Variants in PTPRN2 observed in about 807,000 individuals in gnomAD.
PTPRN2 encodes the protein receptor-type tyrosine-protein phosphatase N2.
A neutral mutation model predicts 118.8 loss-of-function variants in PTPRN2; 74 were observed. The ratio of observed to expected loss-of-function variants is 0.62; its 90% CI spans 0.52 to 0.76. PTPRN2 has a LOEUF of 0.76. PTPRN2 is among the 30% of genes least tolerant of loss of function. The pLI, the probability that PTPRN2 is intolerant of heterozygous loss-of-function variation, is 0.00. For missense variants in PTPRN2, 1,481 were observed against 1,394.4 expected, an observed-to-expected ratio of 1.06 and a Z score of -0.99; for synonymous variants, 641 against 608.0, an observed-to-expected ratio of 1.05 and a Z score of -0.80.
Position 158,133,726 on chromosome 7 carries a change from C to T in PTPRN2, c.1507G>A (p.Val503Ile). ...CGCGCCTCTTCCTCGGAAGGCTGGACCTCCAATTGCAGGCCGTCGCTGAGG... is the reference window on the plus strand; with the variant it reads ...CGCGCCTCTTCCTCGGAAGGCTGGATCTCCAATTGCAGGCCGTCGCTGAGG... Reference protein sequence around the residue: ...EALSDGLQLEVQPSEEEARGY... With the variant: ...EALSDGLQLEIQPSEEEARGY... Residue 503 changes from valine to isoleucine, a missense_variant, in exon 9 of 23, where the codon GTC (valine) becomes ATC (isoleucine). Val to Ile is a conservative substitution (Grantham distance 29). Around this residue, in one of 3 missense-constraint regions of PTPRN2, gnomAD observed 1,115 missense variants for 994.2 expected, o/e 1.12. Transcript: ENST00000389418. 6.2e-7 allele frequency: 1 copy of T among 1,610,946 alleles called. No homozygotes were observed. Among genetic ancestry groups the T allele is most frequent in the Non-Finnish European group, 8.5e-7 (1 of 1,178,100 alleles).
At position 157,549,001 on chromosome 7, in the gene PTPRN2, A is replaced by G; in HGVS notation, c.2921T>C (p.Ile974Thr). 6.2e-7 allele frequency: 1 copy of G among 1,614,212 alleles called. No individual in the cohort carries two copies. Among genetic ancestry groups the G allele is most frequent in the Non-Finnish European group, 8.5e-7 (1 of 1,180,038 alleles). Residue 974 changes from isoleucine to threonine, a missense_variant, in exon 22 of 23, where the codon ATC becomes ACC. This residue lies in a region of PTPRN2 where 362 missense variants were observed against 384.1 expected (regional missense o/e 0.94). Coordinates refer to ENST00000389418, the MANE Select transcript of PTPRN2 (RefSeq NM_002847.5). Reference sequence around the variant, plus strand: ...CCTCAAGTGCTCCAGGGTCGCTGCGATATCAATCTCTTTAGCACCTGCAAC... The same window carrying G: ...CCTCAAGTGCTCCAGGGTCGCTGCGGTATCAATCTCTTTAGCACCTGCAAC... The part of the protein sequence containing the change: ...KMAKGAKEID[I>T]AATLEHLRDQ...
Position 158,316,892 on chromosome 7 carries a change from G to A in PTPRN2, c.204C>T (p.Asp68=), listed in dbSNP as rs750256922. 6.2e-7 allele frequency: 1 copy of A among 1,612,862 alleles called. No individual in the cohort carries two copies. The highest frequency in any genetic ancestry group is 8.5e-7 in the Non-Finnish European group (1 of 1,179,984). The change falls in exon 3 of 23, where the codon GAC becomes GAT. Residue 68 remains aspartate, a synonymous_variant. Transcript: ENST00000389418. ...CGGGCGACACCTCGTAGCGGTAAAA[G>A]TCCATTGCCGGAACCTTCTGGCACC... ...FGRCQKVPAM[D]FYRYEVSPVA... is the part of the protein sequence containing the mutation.
At chr7:158,358,230 C>T (rs541649677) in intron 2 of PTPRN2, among the ~76,000 whole-genome samples, 17 of 152,182 alleles carry the variant, frequency 1.1e-4, no homozygotes, top group South Asian at 2.1e-4. Flanking sequence ...ACCTTTCTTC[C>T]GGCCTGGTCT....
chr7:157,593,646 A>G (rs904997599), intron 17 of PTPRN2, among the ~76,000 whole-genome samples: 1 of 152,134 alleles, frequency 6.6e-6, no homozygotes, highest in African/African-American at 2.4e-5. Context: ...CATCCCTGGA[A>G]GGGCCCTGGG....
chr7:157,555,543 C>T (rs553255050), intron 21 of PTPRN2, among the ~76,000 whole-genome samples: 79 of 152,304 alleles, frequency 5.2e-4, no homozygotes, highest in Non-Finnish European at 9.1e-4. Context: ...TGGGGTGTGC[C>T]GGGAGGGCCA....
intron 11 of PTPRN2, among the ~76,000 whole-genome samples, chr7:157,941,393 A>C: frequency 1.7e-5 from 1 of 58,172 alleles, no homozygotes; most frequent in Non-Finnish European, 2.7e-5. Context: ...CCTCTCAATC[A>C]TGACACTGCA....
chr7:158,414,884 A>G lies in PTPRN2; in HGVS notation c.163+74851T>C, dbSNP rs575809667. ...AACACTACCAGTCATCCACATGAGG[A>G]GGGGCGGGGGAAGGTACCTCTGCCT... On this transcript the variant is annotated intron_variant, in intron 2 of 22. Transcript: ENST00000389418. Among the ~76,000 whole-genome samples, 695 of 152,294 alleles carry G rather than the reference A, an allele frequency of 4.6e-3. 4 individuals are homozygous for G. Among genetic ancestry groups the G allele is most frequent in the African/African-American group, 0.016 (669 of 41,566 alleles).
chr7:158,204,209 G>C (rs1284414179), intron 4 of PTPRN2, among the ~76,000 whole-genome samples: 9 of 150,300 alleles, frequency 6.0e-5, no homozygotes, highest in Non-Finnish European at 1.3e-4. Context: ...GTGTGGTGAA[G>C]ACGAAGCCCC....
rs192704406 is a variant in PTPRN2, at chr7:158,566,669, C to T, written c.112+20889G>A. Among the ~76,000 whole-genome samples, 10 of 152,258 alleles carry T rather than the reference C, an allele frequency of 6.6e-5. No individual in the cohort carries two copies. In the East Asian group the frequency reaches 9.6e-4, roughly 15 times the overall value. ...TATTTTTGCTGTTGGCCACCCTTCG[C>T]GGGGTTTGGTAATAAAAGATTGTTA... On this transcript the variant is annotated intron_variant, in intron 1 of 22. Coordinates refer to ENST00000389418, the MANE Select transcript of PTPRN2 (RefSeq NM_002847.5).
At chr7:157,553,934 C>T (rs541847844) in intron 21 of PTPRN2, among the ~76,000 whole-genome samples, 40 of 151,974 alleles carry the variant, frequency 2.6e-4, no homozygotes, top group Non-Finnish European at 4.3e-4. Context: ...GTATCCTGCC[C>T]GCTCTGGTGC....
intron 11 of PTPRN2, among the ~76,000 whole-genome samples, chr7:158,041,222 A>G (rs1193361068): frequency 6.6e-6 from 1 of 152,240 alleles, no homozygotes. Flanking sequence ...AAGCCAGGGT[A>G]CTTGGAAGAG....
Position 157,984,270 on chromosome 7 carries a change from C to CCCT in PTPRN2, c.1724-85534_1724-85533insAGG, listed in dbSNP as rs1554507047. Among the ~76,000 whole-genome samples, 4 of 9,380 alleles carry CCCT rather than the reference C, an allele frequency of 4.3e-4. 1 individual carries two copies. The highest frequency in any genetic ancestry group is 2.6e-4 in the Non-Finnish European group (1 of 3,824). The allele number at this position is 9,380 out of a possible 152,430, so 6.2% of individuals were successfully genotyped here. On this transcript the variant is annotated intron_variant, in intron 11 of 22. Transcript: ENST00000389418. ...CCACCTCCCCACGCCAGGCTCCACC[C>CCCT]CCCACGCCAGGCTCCACCCCATCCC...
intron 10 of PTPRN2, among the ~76,000 whole-genome samples, chr7:158,094,620 T>C (rs1421679475): frequency 2.0e-5 from 3 of 152,206 alleles, no homozygotes; most frequent in Non-Finnish European, 4.4e-5. Flanking sequence ...ATCTGTGCTT[T>C]CTATTGCAGC....
intron 2 of PTPRN2, among the ~76,000 whole-genome samples, chr7:158,337,598 C>A (rs1484583320): frequency 2.0e-5 from 2 of 99,728 alleles, no homozygotes; most frequent in South Asian, 3.6e-4. Context: ...GTCACTCACA[C>A]CCACACTCTC....
At position 157,780,843 on chromosome 7, in the gene PTPRN2, A is replaced by G. The variant is rs1444665796; in HGVS notation, c.1789-97906T>C. 6.6e-6 allele frequency among the ~76,000 whole-genome samples: 1 copy of G among 152,120 alleles called. No individual in the cohort carries two copies. Among genetic ancestry groups the G allele is most frequent in the Non-Finnish European group, 1.5e-5 (1 of 68,020 alleles). On this transcript the variant is annotated intron_variant, in intron 12 of 22. Coordinates refer to ENST00000389418, the MANE Select transcript of PTPRN2 (RefSeq NM_002847.5). The surrounding 1 kb of genome is among the most constrained non-coding windows in gnomAD (Gnocchi z 4.5). ...GTGATGAGCTGCCCCGCGGGTCCCC[A>G]CAGATCAATCAGGACAGAATACTCA...
At chr7:157,842,905 A>G (rs1808538292) in intron 12 of PTPRN2, among the ~76,000 whole-genome samples, 2 of 152,192 alleles carry the variant, frequency 1.3e-5, no homozygotes, top group African/African-American at 2.4e-5. Flanking sequence ...TAAAGGGTAG[A>G]GTGATTAGGA....
chr7:157,771,901 A>G (rs1307684949), intron 12 of PTPRN2, among the ~76,000 whole-genome samples: 10 of 149,990 alleles, frequency 6.7e-5, no homozygotes, highest in Non-Finnish European at 1.3e-4. Flanking sequence ...CACAGACACA[A>G]ACACACACAG....
chr7:157,915,879 A>G (rs1446611854), intron 11 of PTPRN2, among the ~76,000 whole-genome samples: 2 of 152,092 alleles, frequency 1.3e-5, no homozygotes, highest in African/African-American at 2.4e-5. Flanking sequence ...GTGAGTCCCA[A>G]TATTTGTTTC....
intron 12 of PTPRN2, among the ~76,000 whole-genome samples, chr7:157,768,001 C>T (rs572718868): frequency 1.2e-4 from 18 of 152,206 alleles, no homozygotes; most frequent in South Asian, 2.1e-4. Context: ...TGACACCGAG[C>T]GGTAAAAAGA....
Sources: gnomAD v4.1 joint callset for allele counts (sites outside exome capture counted in the v4.1 genomes callset) on GRCh38, gnomAD v4.1.1 for gene constraint, gnomAD v4.1.1 regional missense constraint, Gnocchi (gnomAD v3.1) non-coding constraint, MANE v1.5 for transcripts, NCBI Gene and HGNC (gene_info 2026-07-23, HGNC 2026-07-21) for gene names.